Variants in ST8SIA2 observed in about 807,000 individuals in gnomAD.
ST8SIA2 encodes the protein ST8 alpha-N-acetyl-neuraminide alpha-2,8-sialyltransferase 2.
In ST8SIA2, 22 loss-of-function variants were observed where a neutral mutation model predicts 37.6. That is an observed-to-expected ratio of 0.58 (90% confidence interval 0.42 to 0.83). ST8SIA2 has a LOEUF of 0.83. ST8SIA2 is among the 40% of genes least tolerant of loss of function. The probability of loss-of-function intolerance (pLI) is 0.00; values close to 1 mark genes in which losing one functional copy is unlikely to be tolerated. For missense variants in ST8SIA2, 382 were observed against 484.7 expected (o/e 0.79, Z 1.99); for synonymous variants, 205 against 201.2 (o/e 1.02, Z -0.16).
intron 4 of ST8SIA2, among the ~76,000 whole-genome samples, chr15:92,438,828 G>T (rs186039063): frequency 3.9e-5 from 6 of 152,356 alleles, no homozygotes; most frequent in Non-Finnish European, 2.9e-5. Flanking sequence ...GAGGGGAAGA[G>T]AGGCGTGGCA....
At chr15:92,400,070 G>A (rs573294276) in intron 1 of ST8SIA2, among the ~76,000 whole-genome samples, 5 of 152,140 alleles carry the variant, frequency 3.3e-5, no homozygotes, top group Non-Finnish European at 5.9e-5. Flanking sequence ...TCCCGCTCCT[G>A]CTCTGTGGAA....
chr15:92,434,960 G>A (rs1217037671), intron 3 of ST8SIA2, among the ~76,000 whole-genome samples: 1 of 152,244 alleles, frequency 6.6e-6, no homozygotes, highest in Non-Finnish European at 1.5e-5. Context: ...GCAGAGTGAT[G>A]TTTTCAGAGC....
At chr15:92,444,975 G>A (rs748259876) in intron 5 of ST8SIA2, 46 bp downstream of exon 5, 2 of 1,600,546 alleles carry the variant, frequency 1.2e-6, no homozygotes, top group East Asian at 2.2e-5. Context: ...CTAAGTGTGG[G>A]AGATTCTTGG....
intron 1 of ST8SIA2, among the ~76,000 whole-genome samples, chr15:92,406,826 CT>C (rs2049510891): frequency 6.6e-6 from 1 of 151,986 alleles, no homozygotes; most frequent in Admixed American, 6.5e-5. Flanking sequence ...CGAAACCCAT[CT>C]CTACAAAAAT....
intron 1 of ST8SIA2, among the ~76,000 whole-genome samples, chr15:92,413,852 A>G (rs1422099366): frequency 6.6e-6 from 1 of 152,040 alleles, no homozygotes; most frequent in Non-Finnish European, 1.5e-5. Context: ...GTGTGGGGAG[A>G]GGGTGAGGCT....
chr15:92,444,849 GGTCAACGAGCTTATCCTGAAGCACCAC>G lies in ST8SIA2; in HGVS notation c.770_796del (p.Glu257_Asn265del). On this transcript the variant is annotated inframe_deletion, in exon 5 of 6. Transcript: ENST00000268164. ...GGGGCGGCAAGGAGCGTGTTGAGTGGGTCAACGAGCTTATCCTGAAGCACCACGTCAACGTGCGCACTGCATACCCCT... is the reference window on the plus strand; with the variant it reads ...GGGGCGGCAAGGAGCGTGTTGAGTGGGTCAACGTGCGCACTGCATACCCCT... 1 of 1,613,892 alleles carries G rather than the reference GGTCAACGAGCTTATCCTGAAGCACCAC, an allele frequency of 6.2e-7. No homozygotes were observed. The highest frequency in any genetic ancestry group is 8.5e-7 in the Non-Finnish European group (1 of 1,180,042).
At chr15:92,409,579 CT>C (rs1462973232) in intron 1 of ST8SIA2, among the ~76,000 whole-genome samples, 1 of 152,140 alleles carries the variant, frequency 6.6e-6, no homozygotes, top group Non-Finnish European at 1.5e-5. Context: ...CATTTCTTTC[CT>C]GTTCATTTCT....
At position 92,467,648 on chromosome 15, in the gene ST8SIA2, A is replaced by G. The variant is rs2050002170; in HGVS notation, c.*3263A>G. 6.6e-6 allele frequency: 1 copy of G among 151,916 alleles called. No individual in the cohort carries two copies. Among genetic ancestry groups the G allele is most frequent in the Admixed American group, 6.6e-5 (1 of 15,252 alleles). The allele number at this position is 151,916 out of a possible 1,614,324, so 9.4% of individuals were successfully genotyped here. A position where few individuals can be genotyped will look rare whatever the true frequency, so the allele number is the denominator to read the frequency against. On this transcript the variant is annotated 3_prime_UTR_variant, in exon 6 of 6. Transcript: ENST00000268164. ...TTTTATTTATTATTTATTTATTGAA[A>G]CCCCTACTTTGATTGACAAAGGAAT...
At chr15:92,424,163 T>G (rs932166018) in intron 1 of ST8SIA2, among the ~76,000 whole-genome samples, 2 of 152,264 alleles carry the variant, frequency 1.3e-5, no homozygotes, top group Non-Finnish European at 1.5e-5. Flanking sequence ...ATCACCTGTT[T>G]AAGTTGGCTC....
chr15:92,419,706 AG>A (rs2049617646), intron 1 of ST8SIA2, among the ~76,000 whole-genome samples: 1 of 152,226 alleles, frequency 6.6e-6, no homozygotes, highest in Admixed American at 6.5e-5. Flanking sequence ...TGAGCACCAT[AG>A]AGAAGTAGTC....
At chr15:92,458,750 A>C (rs570765240) in intron 5 of ST8SIA2, among the ~76,000 whole-genome samples, 10 of 152,312 alleles carry the variant, frequency 6.6e-5, no homozygotes, top group South Asian at 2.1e-4. Flanking sequence ...AGCTGCCCAG[A>C]GACAGGGCAA....
intron 5 of ST8SIA2, among the ~76,000 whole-genome samples, chr15:92,452,791 A>T (rs947807845): frequency 2.0e-5 from 3 of 152,174 alleles, no homozygotes; most frequent in Non-Finnish European, 4.4e-5. Flanking sequence ...TCTCAGAACA[A>T]CCTGATAAGA....
chr15:92,429,895 GGGGCCA>G (rs1416593714), intron 1 of ST8SIA2, among the ~76,000 whole-genome samples, 148 bp from the exon 2 acceptor site: 1 of 152,202 alleles, frequency 6.6e-6, no homozygotes, highest in African/African-American at 2.4e-5. Context: ...GGCTGTGTCT[GGGGCCA>G]GGACTTTGCC....
chr15:92,451,548 A>C (rs1419029080), intron 5 of ST8SIA2, among the ~76,000 whole-genome samples: 3 of 152,096 alleles, frequency 2.0e-5, no homozygotes, highest in Non-Finnish European at 4.4e-5. Flanking sequence ...GCCCCTTCAC[A>C]ACAAAGGCAT....
intron 1 of ST8SIA2, among the ~76,000 whole-genome samples, chr15:92,408,595 G>C (rs2049525310): frequency 6.6e-6 from 1 of 152,016 alleles, no homozygotes; most frequent in Admixed American, 6.6e-5. Context: ...TCTCTCTATG[G>C]CCAAAGGAGA....
At chr15:92,398,458 A>T (rs185867626) in intron 1 of ST8SIA2, among the ~76,000 whole-genome samples, 1 of 152,360 alleles carries the variant, frequency 6.6e-6, no homozygotes, top group African/African-American at 2.4e-5. Flanking sequence ...GGTGAAGATG[A>T]TGATCACGGT....
At chr15:92,450,665 A>C (rs965234298) in intron 5 of ST8SIA2, among the ~76,000 whole-genome samples, 1 of 152,236 alleles carries the variant, frequency 6.6e-6, no homozygotes, top group African/African-American at 2.4e-5. Flanking sequence ...GACAGTATCC[A>C]CCGCATGGTG....
intron 1 of ST8SIA2, among the ~76,000 whole-genome samples, chr15:92,416,137 G>A (rs1169730354): frequency 1.3e-5 from 2 of 151,506 alleles, no homozygotes; most frequent in Non-Finnish European, 2.9e-5. Flanking sequence ...ATAAGACGGA[G>A]GCACAGGAGA....
chr15:92,416,234 G>A, intron 1 of ST8SIA2, among the ~76,000 whole-genome samples: 1 of 151,068 alleles, frequency 6.6e-6, no homozygotes, highest in South Asian at 2.1e-4. Flanking sequence ...TTGAAGGGGG[G>A]GTGGGGGTGT....
Sources: allele counts gnomAD v4.1 joint callset (sites outside exome capture counted in the v4.1 genomes callset), GRCh38; gene constraint gnomAD v4.1.1; transcripts MANE v1.5; gene names NCBI Gene and HGNC (gene_info 2026-07-23, HGNC 2026-07-21).